The following UNC5C variants were observed in gnomAD, a reference collection of about 807,000 sequenced individuals.
The protein encoded by UNC5C is unc-5 netrin receptor C, also known as netrin receptor UNC5C.
In UNC5C, 47 loss-of-function variants were observed where a neutral mutation model predicts 99.8. That is an observed-to-expected ratio of 0.47 (90% CI 0.37 to 0.60). The LOEUF (loss-of-function observed/expected upper bound fraction) is 0.60, where lower values mean the gene tolerates loss of function less well. UNC5C is among the 20% of genes least tolerant of loss of function. The pLI, the probability that UNC5C is intolerant of heterozygous loss-of-function variation, is 0.00. For synonymous variants in UNC5C, 487 were observed against 452.2 expected (o/e 1.08, Z -0.98); for missense variants, 1,062 against 1,165.9 (o/e 0.91, Z 1.30).
chr4:95,365,391 T>G (rs1009082927), intron 1 of UNC5C, among the ~76,000 whole-genome samples: 1 of 147,596 alleles, frequency 6.8e-6, no homozygotes, highest in Non-Finnish European at 1.5e-5. Context: ...ATACAAAAAT[T>G]TAATATAATA....
At chr4:95,388,989 T>G (rs1745283596) in intron 1 of UNC5C, among the ~76,000 whole-genome samples, 1 of 152,160 alleles carries the variant, frequency 6.6e-6, no homozygotes, top group Non-Finnish European at 1.5e-5. Flanking sequence ...TATTTAACAT[T>G]TTTTTCAAAA....
intron 1 of UNC5C, among the ~76,000 whole-genome samples, chr4:95,410,167 T>C (rs1319334292): frequency 6.6e-6 from 1 of 152,168 alleles, no homozygotes; most frequent in Non-Finnish European, 1.5e-5. Flanking sequence ...CCTTCTTCTT[T>C]GCAGATGACA....
intron 12 of UNC5C, among the ~76,000 whole-genome samples, chr4:95,192,858 G>A (rs1723082727): frequency 6.6e-6 from 1 of 152,178 alleles, no homozygotes; most frequent in South Asian, 2.1e-4. Context: ...TCAAGGGGCA[G>A]TTATGCTATT....
intron 13 of UNC5C, among the ~76,000 whole-genome samples, chr4:95,184,683 C>T (rs1736759494): frequency 6.6e-6 from 1 of 152,152 alleles, no homozygotes. Context: ...AGGCTGAAGC[C>T]TAATTTGTGT....
intron 9 of UNC5C, among the ~76,000 whole-genome samples, chr4:95,216,649 T>C (rs1209108787): frequency 6.6e-6 from 1 of 152,226 alleles, no homozygotes; most frequent in Non-Finnish European, 1.5e-5. Context: ...AGCATCAATG[T>C]AATTCCACAA....
intron 11 of UNC5C, 52 bp downstream of exon 11, chr4:95,206,576 T>G (rs2149362278): frequency 6.2e-7 from 1 of 1,608,620 alleles, no homozygotes; most frequent in Non-Finnish European, 8.5e-7. Flanking sequence ...TTGCTCCTGC[T>G]TATCTGCATG....
intron 1 of UNC5C, among the ~76,000 whole-genome samples, chr4:95,435,535 A>G (rs553021531): frequency 1.3e-5 from 2 of 152,092 alleles, no homozygotes; most frequent in Non-Finnish European, 2.9e-5. Context: ...ACAATGTGTG[A>G]CTATAGAAAA....
Position 95,332,258 on chromosome 4 carries a change from G to A in UNC5C, c.346+3152C>T, listed in dbSNP as rs372297251. On this transcript the variant is annotated intron_variant, in intron 2 of 15. Transcript: ENST00000453304. ...ATTGAACCAAAAAAGAGCCCGCATC[G>A]CCAAGTCAATCCTAAGCCAAAAGAA... Among the ~76,000 whole-genome samples the A allele has an allele frequency of 2.5e-3, 372 of 151,340 alleles. 1 individual carries two copies. Among genetic ancestry groups the A allele is most frequent in the African/African-American group, 4.4e-3 (184 of 41,428 alleles).
At chr4:95,250,401 TAA>T in intron 5 of UNC5C, 84 bp downstream of exon 5, 1 of 1,417,714 alleles carries the variant, frequency 7.1e-7, no homozygotes, top group Non-Finnish European at 9.6e-7. Context: ...TATGAAATTT[TAA>T]AAAAAGGGCT....
chr4:95,478,294 A>G (rs1233300891), intron 1 of UNC5C, among the ~76,000 whole-genome samples: 1 of 151,940 alleles, frequency 6.6e-6, no homozygotes, highest in Non-Finnish European at 1.5e-5. Flanking sequence ...TCTAAGCTCC[A>G]TGATTGACAG....
rs1308300073 is a variant in UNC5C, at chr4:95,356,861, TAC to T, written c.125-21232_125-21231del. Among the ~76,000 whole-genome samples, 3 of 152,210 alleles carry T rather than the reference TAC, an allele frequency of 2.0e-5. No individual in the cohort carries two copies. The East Asian group carries it at 5.8e-4, about 29-fold the overall frequency. On this transcript the variant is annotated intron_variant, in intron 1 of 15. Coordinates refer to ENST00000453304, the MANE Select transcript of UNC5C (RefSeq NM_003728.4). ...GTAATCTGTTGCATAAGTAAATATC[TAC>T]AGTGAATTTTAGAGTTGGTAAAACT...
At chr4:95,206,878 G>T in intron 10 of UNC5C, 82 bp from the exon 11 acceptor site, 4 of 1,116,774 alleles carry the variant, frequency 3.6e-6, no homozygotes, top group Non-Finnish European at 4.8e-6. Flanking sequence ...AGGCAAACAG[G>T]TCAAGTAGTT....
chr4:95,312,475 T>C (rs1238587368), intron 2 of UNC5C, among the ~76,000 whole-genome samples: 2 of 152,206 alleles, frequency 1.3e-5, no homozygotes, highest in African/African-American at 4.8e-5. Context: ...TAAAGGTAAC[T>C]AGTATTTTTT....
At chr4:95,420,756 T>C (rs564690242) in intron 1 of UNC5C, among the ~76,000 whole-genome samples, 1 of 152,268 alleles carries the variant, frequency 6.6e-6, no homozygotes, top group African/African-American at 2.4e-5. Flanking sequence ...ATGGAAAAGA[T>C]ACATGAGACT....
chr4:95,523,986 G>C (rs1003731772), intron 1 of UNC5C, among the ~76,000 whole-genome samples: 20 of 152,238 alleles, frequency 1.3e-4, no homozygotes, highest in African/African-American at 4.8e-4. Flanking sequence ...TTTAATGCAC[G>C]AGAGAAGTGA....
At chr4:95,338,036 T>C (rs1743415275) in intron 1 of UNC5C, among the ~76,000 whole-genome samples, 1 of 151,996 alleles carries the variant, frequency 6.6e-6, no homozygotes, top group Non-Finnish European at 1.5e-5. Flanking sequence ...AGAATGATAT[T>C]AATATAGAAA....
At position 95,169,081 on chromosome 4, in the gene UNC5C, G is replaced by T. The variant is rs1302830386; in HGVS notation, c.*153C>A. The T allele has an allele frequency of 1.1e-6, 1 of 872,910 alleles. No homozygotes were observed. The highest frequency in any genetic ancestry group is 1.8e-6 in the Non-Finnish European group (1 of 566,294). 54.1% of individuals were successfully genotyped at this position (872,910 alleles called of 1,614,324 possible). ...CCGAGTAAAGTGGGCATGTACATGG[G>T]CAGTTGTATCTGTTTTCCTTCTGGC... On this transcript the variant is annotated 3_prime_UTR_variant, in exon 16 of 16. Transcript: ENST00000453304.
intron 3 of UNC5C, among the ~76,000 whole-genome samples, chr4:95,292,295 A>T (rs1384433345): frequency 6.9e-6 from 1 of 144,898 alleles, no homozygotes. Flanking sequence ...TTTGAGATGG[A>T]GTCTTGCTCT....
chr4:95,341,539 A>G (rs1579340580), intron 1 of UNC5C, among the ~76,000 whole-genome samples: 1 of 151,928 alleles, frequency 6.6e-6, no homozygotes, highest in East Asian at 1.9e-4. Context: ...AAAAGAAAAG[A>G]AAAAAGAAAA....
Sources: gnomAD v4.1 joint callset for allele counts (sites outside exome capture counted in the v4.1 genomes callset) on GRCh38, gnomAD v4.1.1 for gene constraint, MANE v1.5 for transcripts, NCBI Gene and HGNC (gene_info 2026-07-23, HGNC 2026-07-21) for gene names.